The following TNR variants were observed in gnomAD, a reference collection of about 807,000 sequenced individuals.
The protein encoded by TNR is tenascin-R.
In TNR, 45 loss-of-function variants were observed where a neutral mutation model predicts 150.4. The observed-to-expected ratio is 0.30, with a 90% CI of 0.24 to 0.38. The LOEUF is 0.38. TNR is among the 10% of genes least tolerant of loss of function. TNR has a pLI of 1.00. For synonymous variants in TNR, 687 were observed against 678.4 expected, an observed-to-expected ratio of 1.01 and a Z score of -0.20; for missense variants, 1,544 against 1,759.1, an observed-to-expected ratio of 0.88 and a Z score of 2.19.
At chr1:175,522,942 A>T (rs918194500) in intron 2 of TNR, among the ~76,000 whole-genome samples, 4 of 152,264 alleles carry the variant, frequency 2.6e-5, no homozygotes, top group Non-Finnish European at 5.9e-5. Flanking sequence ...CCTATGATCA[A>T]TTCTCATCTG....
intron 1 of TNR, among the ~76,000 whole-genome samples, chr1:175,581,629 T>C (rs1662352954): frequency 1.3e-5 from 2 of 152,242 alleles, no homozygotes; most frequent in Admixed American, 1.3e-4. Context: ...ATGCTCATTG[T>C]CTTTGACTTC....
intron 20 of TNR, among the ~76,000 whole-genome samples, chr1:175,331,039 T>TTCTTTCCTTC (rs1557867445): frequency 2.7e-5 from 2 of 73,308 alleles, no homozygotes; most frequent in African/African-American, 9.2e-5. Flanking sequence ...CTTTCTTTCT[T>TTCTTTCCTTC]TCTTTCTTTC....
intron 1 of TNR, among the ~76,000 whole-genome samples, chr1:175,682,636 A>T (rs540069654): frequency 6.6e-6 from 1 of 152,260 alleles, no homozygotes; most frequent in East Asian, 1.9e-4. Context: ...CAAGACTCTG[A>T]TGGAGAGGAC....
chr1:175,714,828 C>T (rs772226623), intron 1 of TNR, among the ~76,000 whole-genome samples: 5 of 152,208 alleles, frequency 3.3e-5, no homozygotes, highest in Non-Finnish European at 7.3e-5. Context: ...GTCTGTGGCT[C>T]AGCCTGCGGG....
intron 2 of TNR, among the ~76,000 whole-genome samples, chr1:175,463,535 T>G (rs1299206586): frequency 1.6e-4 from 25 of 152,248 alleles, no homozygotes; most frequent in Admixed American, 1.6e-3. Context: ...CAGAGTAATT[T>G]ACACAGCTCC....
intron 2 of TNR, among the ~76,000 whole-genome samples, chr1:175,470,447 C>G (rs1398722630): frequency 5.9e-5 from 9 of 152,094 alleles, no homozygotes; most frequent in Non-Finnish European, 7.4e-5. Context: ...TGTGCCTCCT[C>G]CAGACTCCCA....
intron 4 of TNR, among the ~76,000 whole-genome samples, chr1:175,397,941 T>C (rs1653510220): frequency 6.6e-6 from 1 of 152,220 alleles, no homozygotes; most frequent in African/African-American, 2.4e-5. Context: ...AAATCAAAGA[T>C]CAAGCCGATA....
intron 1 of TNR, among the ~76,000 whole-genome samples, chr1:175,551,121 A>G (rs543137663): frequency 2.6e-5 from 4 of 152,362 alleles, no homozygotes; most frequent in African/African-American, 7.2e-5. Flanking sequence ...GTTCTCTTCT[A>G]TGGAGGATCT....
At chr1:175,738,420 G>A (rs924201819) in intron 1 of TNR, among the ~76,000 whole-genome samples, 4 of 152,162 alleles carry the variant, frequency 2.6e-5, no homozygotes, top group East Asian at 1.9e-4. Context: ...AACTGGCTAC[G>A]AAAGGACAAA....
intron 2 of TNR, among the ~76,000 whole-genome samples, chr1:175,482,995 T>C (rs1458222294): frequency 2.0e-5 from 3 of 152,138 alleles, no homozygotes; most frequent in Non-Finnish European, 2.9e-5. Context: ...GGAAGAGGGG[T>C]TGAGCAATTC....
At chr1:175,675,746 A>G (rs1665844124) in intron 1 of TNR, among the ~76,000 whole-genome samples, 1 of 152,094 alleles carries the variant, frequency 6.6e-6, no homozygotes, top group Admixed American at 6.5e-5. Flanking sequence ...CCTGAGGTCT[A>G]AGTGTCTGCT....
intron 2 of TNR, among the ~76,000 whole-genome samples, chr1:175,476,146 A>G (rs764775051): frequency 2.0e-5 from 3 of 152,166 alleles, no homozygotes; most frequent in Non-Finnish European, 4.4e-5. Context: ...ACCCTTGGGC[A>G]TTGAGAATAA....
intron 2 of TNR, among the ~76,000 whole-genome samples, chr1:175,452,276 C>T (rs1234249144): frequency 2.0e-5 from 3 of 152,232 alleles, no homozygotes; most frequent in African/African-American, 4.8e-5. Flanking sequence ...CTCTGAGGCT[C>T]AGCAGTGAAC....
intron 9 of TNR, among the ~76,000 whole-genome samples, chr1:175,372,974 A>T (rs1652173980): frequency 6.6e-6 from 1 of 152,070 alleles, no homozygotes; most frequent in South Asian, 2.1e-4. Flanking sequence ...TGATTATGTT[A>T]TTATTGTTAG....
intron 20 of TNR, 68 bp downstream of exon 20, chr1:175,335,643 A>C: frequency 6.8e-7 from 1 of 1,468,854 alleles, no homozygotes; most frequent in Non-Finnish European, 9.4e-7. Flanking sequence ...TCAGATGGAC[A>C]CAAAAAGGAG....
intron 1 of TNR, among the ~76,000 whole-genome samples, chr1:175,725,276 A>G (rs1266387120): frequency 6.6e-6 from 1 of 152,200 alleles, no homozygotes; most frequent in Non-Finnish European, 1.5e-5. Flanking sequence ...CCCAATCTCT[A>G]GAACTAGAAT....
chr1:175,438,984 A>T (rs1427221823), intron 2 of TNR, among the ~76,000 whole-genome samples: 1 of 152,202 alleles, frequency 6.6e-6, no homozygotes, highest in Non-Finnish European at 1.5e-5. Flanking sequence ...CATCCCCATC[A>T]AGCTACCAAT....
At chr1:175,572,767 G>A (rs1661934057) in intron 1 of TNR, among the ~76,000 whole-genome samples, 1 of 150,222 alleles carries the variant, frequency 6.7e-6, no homozygotes, top group South Asian at 2.1e-4. Flanking sequence ...TTATCATTTT[G>A]GTGTATTCCC....
intron 1 of TNR, among the ~76,000 whole-genome samples, chr1:175,622,724 G>C (rs1185345667): frequency 6.6e-6 from 1 of 152,222 alleles, no homozygotes; most frequent in Non-Finnish European, 1.5e-5. Flanking sequence ...TTTGTCATCT[G>C]ATAGTTATGG....
Sources: gnomAD v4.1 joint callset for allele counts (sites outside exome capture counted in the v4.1 genomes callset) on GRCh38, gnomAD v4.1.1 for gene constraint, MANE v1.5 for transcripts, NCBI Gene and HGNC (gene_info 2026-07-23, HGNC 2026-07-21) for gene names.